Variants in INSL6 observed in about 807,000 individuals in gnomAD.
INSL6 encodes insulin-like peptide INSL6.
In INSL6, 16 loss-of-function variants were observed where a neutral mutation model predicts 9.4. The observed-to-expected ratio is 1.70, with a 90% CI of 1.15 to 2.59. INSL6 has a LOEUF of 2.59. Among genes scored for constraint, INSL6 ranks in the 30% most tolerant of loss-of-function variants. INSL6 has a pLI of 0.00. For synonymous variants in INSL6, 154 were observed against 96.9 expected (o/e 1.59, Z -3.46); for missense variants, 391 against 257.3 (o/e 1.52, Z -3.56).
chr9:4,999,132 G>A, the INSL6 span, among the ~76,000 whole-genome samples: 1 of 152,100 alleles, frequency 6.6e-6, no homozygotes, highest in Non-Finnish European at 1.5e-5. Context: ...GGCTCAGGAG[G>A]TCTTTTAAGC....
the INSL6 span, among the ~76,000 whole-genome samples, chr9:5,062,500 TAAAAAAAAAAAAAAAAAAA>T: frequency 1.7e-5 from 1 of 58,246 alleles, no homozygotes; most frequent in Admixed American, 1.8e-4. Flanking sequence ...CTTCCATTTG[TAAAAAAAAAAAAAAAAAAA>T]AAAAAAAAAA....
the INSL6 span, among the ~76,000 whole-genome samples, chr9:5,058,364 C>G: frequency 6.6e-6 from 1 of 152,128 alleles, no homozygotes; most frequent in Non-Finnish European, 1.5e-5. Flanking sequence ...TCTTACATGG[C>G]AGCAGAAGAG....
At chr9:5,067,294 G>GT in the INSL6 span, among the ~76,000 whole-genome samples, 1 of 152,040 alleles carries the variant, frequency 6.6e-6, no homozygotes, top group African/African-American at 2.4e-5. Flanking sequence ...TACAATGCAT[G>GT]TTTCAACGGT....
the INSL6 span, among the ~76,000 whole-genome samples, chr9:5,026,388 GTTA>G: frequency 6.6e-6 from 1 of 152,130 alleles, no homozygotes; most frequent in Non-Finnish European, 1.5e-5. Context: ...GCTAAATAAT[GTTA>G]TTATAAATAA....
At chr9:5,074,619 G>GTC in the INSL6 span, among the ~76,000 whole-genome samples, 3 of 152,280 alleles carry the variant, frequency 2.0e-5, no homozygotes, top group East Asian at 5.8e-4. Context: ...CCATTCCTCT[G>GTC]TCTCTCTCCC....
chr9:5,138,908 A>T (rs1824436666), intron 2 of INSL6, among the ~76,000 whole-genome samples: 1 of 133,042 alleles, frequency 7.5e-6, no homozygotes. Context: ...AGTCACAAAA[A>T]AAATAAATAT....
At chr9:5,047,111 AT>A in the INSL6 span, among the ~76,000 whole-genome samples, 1 of 152,100 alleles carries the variant, frequency 6.6e-6, no homozygotes, top group Non-Finnish European at 1.5e-5. Flanking sequence ...GCAATTTTCT[AT>A]TTTTTAATGT....
At chr9:5,101,030 T>C in the INSL6 span, 1 of 152,190 alleles carries the variant, frequency 6.6e-6, no homozygotes, top group Non-Finnish European at 1.5e-5. Context: ...CGGGACTGGT[T>C]GGACAGGGGG....
chr9:5,041,214 TG>T, the INSL6 span: 3 of 1,467,036 alleles, frequency 2.0e-6, no homozygotes, highest in Non-Finnish European at 2.8e-6. Flanking sequence ...GAGAACTTCC[TG>T]GTGGGGCGCC....
chr9:5,065,706 T>A, the INSL6 span, among the ~76,000 whole-genome samples: 7 of 152,206 alleles, frequency 4.6e-5, no homozygotes, highest in African/African-American at 1.7e-4. Context: ...CTAGCTATCA[T>A]GCATAACATC....
chr9:5,185,235 G>A, intron 1 of INSL6, 79 bp downstream of exon 1: 2 of 1,570,414 alleles, frequency 1.3e-6, no homozygotes, highest in African/African-American at 1.4e-5. Flanking sequence ...TCCTGGGGAA[G>A]CTCACCTTCT....
intron 3 of INSL6, among the ~76,000 whole-genome samples, chr9:5,132,640 C>T (rs1474669078): frequency 3.3e-5 from 5 of 152,008 alleles, no homozygotes; most frequent in Non-Finnish European, 7.4e-5. Flanking sequence ...GTGCAAGCTA[C>T]GTACAACTTC....
chr9:5,065,545 G>A, the INSL6 span, among the ~76,000 whole-genome samples: 1 of 152,154 alleles, frequency 6.6e-6, no homozygotes, highest in African/African-American at 2.4e-5. Context: ...AGCTACATGT[G>A]GCTGTTTAGC....
the INSL6 span, chr9:5,050,574 T>C: frequency 1.9e-5 from 22 of 1,138,176 alleles, no homozygotes; most frequent in African/African-American, 2.7e-4. Context: ...CCTGGCCAAT[T>C]TGTATCTTGT....
At chr9:5,164,373 C>T in intron 1 of INSL6, 108 bp from the exon 2 acceptor site, 1 of 692,082 alleles carries the variant, frequency 1.4e-6, no homozygotes, top group Non-Finnish European at 2.4e-6. Flanking sequence ...CAAGTAATCA[C>T]ATTTTAAATA....
the INSL6 span, chr9:5,054,616 T>C: frequency 4.3e-6 from 7 of 1,612,482 alleles, no homozygotes; most frequent in South Asian, 1.1e-5. The surrounding 1 kb of genome is among the most constrained non-coding windows in gnomAD (Gnocchi z 4.9). Flanking sequence ...GACTATCATA[T>C]TTTGACAAGG....
the INSL6 span, among the ~76,000 whole-genome samples, chr9:5,012,167 A>C: frequency 2.0e-3 from 308 of 152,244 alleles, 1 homozygote; most frequent in African/African-American, 7.0e-3. Context: ...TCACCCAGTA[A>C]GACTGCAGCT....
Position 5,185,607 on chromosome 9 carries a change from G to C in INSL6, c.-5C>G, listed in dbSNP as rs969809162. 6.8e-6 allele frequency: 11 copies of C among 1,609,362 alleles called. No homozygotes were observed. The highest frequency in any genetic ancestry group is 4.0e-5 in the African/African-American group (3 of 74,990). On this transcript the variant is annotated 5_prime_UTR_variant, in exon 1 of 2. Transcript: ENST00000381641. ...CAAGCGGAGGAGCCGCGGCATCCCT[G>C]TGACCCCAGGCTAGTCCTCCGCGTT...
chr9:5,061,928 T>C, the INSL6 span, among the ~76,000 whole-genome samples: 1 of 152,148 alleles, frequency 6.6e-6, no homozygotes, highest in Non-Finnish European at 1.5e-5. Flanking sequence ...CTAATTTCAT[T>C]ATTGTTGTGT....
Sources: allele counts gnomAD v4.1 joint callset (sites outside exome capture counted in the v4.1 genomes callset), GRCh38; gene constraint gnomAD v4.1.1; non-coding constraint Gnocchi (gnomAD v3.1); transcripts MANE v1.5; gene names NCBI Gene and HGNC (gene_info 2026-07-23, HGNC 2026-07-21).